THSD7B: variants seen among roughly 807,000 people sequenced by gnomAD.
THSD7B encodes the protein thrombospondin type-1 domain-containing protein 7B.
A neutral mutation model predicts 213.6 loss-of-function variants in THSD7B; 138 were observed. The ratio of observed to expected loss-of-function variants is 0.65; its 90% CI spans 0.56 to 0.74. THSD7B has a LOEUF of 0.74. Ranked by LOEUF, THSD7B falls within the 30% of genes least tolerant of loss-of-function variation. The pLI is 0.00. For missense variants in THSD7B, 1,931 were observed against 1,991.5 expected, an observed-to-expected ratio of 0.97 and a Z score of 0.58; for synonymous variants, 742 against 687.0, an observed-to-expected ratio of 1.08 and a Z score of -1.25.
At chr2:136,975,211 A>G (rs746926869) in intron 2 of THSD7B, among the ~76,000 whole-genome samples, 4 of 151,720 alleles carry the variant, frequency 2.6e-5, no homozygotes, top group Non-Finnish European at 5.9e-5. Flanking sequence ...ATTAGATCCC[A>G]TTTGTCAATT....
At chr2:137,622,997 A>T (rs1682550004) in intron 20 of THSD7B, among the ~76,000 whole-genome samples, 1 of 152,202 alleles carries the variant, frequency 6.6e-6, no homozygotes, top group Non-Finnish European at 1.5e-5. Flanking sequence ...CATCATCCTG[A>T]TACCAAAGCC....
At chr2:137,064,733 G>A (rs1687344318) in intron 3 of THSD7B, among the ~76,000 whole-genome samples, 2 of 152,002 alleles carry the variant, frequency 1.3e-5, no homozygotes, top group Admixed American at 6.6e-5. Flanking sequence ...GGGATATCCA[G>A]TTTTCCTAGC....
chr2:137,272,543 A>C lies in THSD7B; in HGVS notation c.2277A>C (p.Thr759=). ...TTTCCTTTACTTCAGGAAATGCCACAGTAAAACAGTCTCGATACAGAATCA... is the reference window on the plus strand; with the variant it reads ...TTTCCTTTACTTCAGGAAATGCCACCGTAAAACAGTCTCGATACAGAATCA... ...CPRMCQAGNA[T]VKQSRYRIII... Residue 759 remains threonine, a synonymous_variant, in exon 11 of 28, where the codon ACA becomes ACC. Transcript: ENST00000409968. The C allele has an allele frequency of 6.2e-7, 1 of 1,608,362 alleles. No homozygotes were observed. Among genetic ancestry groups the C allele is most frequent in the Non-Finnish European group, 8.5e-7 (1 of 1,177,956 alleles).
At chr2:137,492,615 C>T (rs1679444359) in intron 15 of THSD7B, among the ~76,000 whole-genome samples, 1 of 152,104 alleles carries the variant, frequency 6.6e-6, no homozygotes, top group African/African-American at 2.4e-5. Context: ...ATCAAGAAGA[C>T]TTGTGTAGAC....
At chr2:137,474,517 C>A (rs185185468) in intron 15 of THSD7B, among the ~76,000 whole-genome samples, 3 of 152,262 alleles carry the variant, frequency 2.0e-5, no homozygotes, top group Admixed American at 1.3e-4. Context: ...AGAAGTGTTT[C>A]TTTATTTTCT....
intron 5 of THSD7B, among the ~76,000 whole-genome samples, chr2:137,142,892 A>G (rs1352948757): frequency 6.6e-6 from 1 of 152,164 alleles, no homozygotes; most frequent in Non-Finnish European, 1.5e-5. Flanking sequence ...ATGCCTACAC[A>G]GGCATACACA....
rs374385352 is a variant in THSD7B, at chr2:137,091,452, C to G, written c.951-3421C>G. ...TTCTGCATTAGTTTGCTCGGGCTGT[C>G]GTAAGAAGTTCCACAAACTTGCTGG... On this transcript the variant is annotated intron_variant, in intron 3 of 27. Transcript: ENST00000409968. 4.6e-5 allele frequency among the ~76,000 whole-genome samples: 7 copies of G among 152,244 alleles called. No homozygotes were observed. The South Asian group carries it at 1.2e-3, about 27-fold the overall frequency.
At chr2:136,802,471 T>G (rs2104922881) in intron 1 of THSD7B, among the ~76,000 whole-genome samples, 1 of 151,500 alleles carries the variant, frequency 6.6e-6, no homozygotes, top group South Asian at 2.1e-4. Context: ...ACAGCAGGAA[T>G]AAAAAGTGTG....
chr2:137,039,510 A>C (rs865937622), intron 2 of THSD7B, among the ~76,000 whole-genome samples: 1 of 152,204 alleles, frequency 6.6e-6, no homozygotes, highest in African/African-American at 2.4e-5. Flanking sequence ...TACAACAACT[A>C]TCTGGCCCCA....
At chr2:136,800,153 T>C (rs2104920948) in intron 1 of THSD7B, among the ~76,000 whole-genome samples, 1 of 152,154 alleles carries the variant, frequency 6.6e-6, no homozygotes, top group South Asian at 2.1e-4. Context: ...CTCAATTTTT[T>C]TCACATTAAT....
intron 12 of THSD7B, among the ~76,000 whole-genome samples, chr2:137,301,074 A>G (rs1377438): frequency 0.062 from 9,387 of 152,190 alleles, 541 homozygotes; most frequent in African/African-American, 0.14. Context: ...TTTTATTGTA[A>G]TCCATAAAGC....
chr2:137,060,759 GTT>G (rs1687255298), intron 3 of THSD7B, among the ~76,000 whole-genome samples: 1 of 151,830 alleles, frequency 6.6e-6, no homozygotes, highest in Non-Finnish European at 1.5e-5. Context: ...GAGTAATGTA[GTT>G]TTATAGTAAA....
chr2:136,972,261 G>GT (rs1246149322), intron 2 of THSD7B, among the ~76,000 whole-genome samples: 1 of 152,146 alleles, frequency 6.6e-6, no homozygotes, highest in East Asian at 1.9e-4. Flanking sequence ...CACCTTGGAA[G>GT]TTAGTAGATA....
At chr2:136,827,914 TC>T (rs1279808623) in intron 1 of THSD7B, among the ~76,000 whole-genome samples, 1 of 152,112 alleles carries the variant, frequency 6.6e-6, no homozygotes, top group Non-Finnish European at 1.5e-5. Context: ...ATTTGCTCAT[TC>T]AGGGATAATT....
chr2:137,636,812 T>A (rs1682841486), intron 20 of THSD7B, among the ~76,000 whole-genome samples: 1 of 152,212 alleles, frequency 6.6e-6, no homozygotes, highest in Non-Finnish European at 1.5e-5. Flanking sequence ...TAATGCCCAT[T>A]CCAGGCCTCT....
chr2:137,636,896 C>G (rs1024386667), intron 20 of THSD7B, among the ~76,000 whole-genome samples: 1 of 152,162 alleles, frequency 6.6e-6, no homozygotes, highest in East Asian at 1.9e-4. Context: ...CTATGCTGCC[C>G]AGGCTGGTCT....
intron 5 of THSD7B, among the ~76,000 whole-genome samples, chr2:137,129,459 A>T (rs1688687633): frequency 6.6e-6 from 1 of 151,270 alleles, no homozygotes; most frequent in African/African-American, 2.4e-5. Flanking sequence ...TTTTTTTTTA[A>T]GACAGAGTCT....
intron 7 of THSD7B, among the ~76,000 whole-genome samples, chr2:137,228,812 A>G (rs190408028): frequency 6.6e-6 from 1 of 152,154 alleles, no homozygotes; most frequent in Non-Finnish European, 1.5e-5. Flanking sequence ...GCTCATCTTC[A>G]TCATTAATCA....
At chr2:136,969,110 T>C (rs510696) in intron 2 of THSD7B, among the ~76,000 whole-genome samples, 73,743 of 151,892 alleles carry the variant, frequency 0.49, 19,219 homozygotes, top group Non-Finnish European at 0.58. Flanking sequence ...GCCATTGTAG[T>C]AAAGACTCTT....
Sources: allele counts gnomAD v4.1 joint callset (sites outside exome capture counted in the v4.1 genomes callset), GRCh38; gene constraint gnomAD v4.1.1; transcripts MANE v1.5; gene names NCBI Gene and HGNC (gene_info 2026-07-23, HGNC 2026-07-21).